Variants in CELF2 observed in about 807,000 individuals in gnomAD.
The protein encoded by CELF2 is CUG triplet repeat RNA-binding protein 2.
CELF2 carries 8 observed loss-of-function variants against 62.6 expected under a neutral mutation model. The ratio of observed to expected loss-of-function variants is 0.13; its 90% confidence interval spans 0.07 to 0.23. The LOEUF (loss-of-function observed/expected upper bound fraction) is 0.23, where lower values mean the gene tolerates loss of function less well. CELF2 is among the 10% of genes least tolerant of loss of function. The pLI is 1.00. For synonymous variants in CELF2, 258 were observed against 250.0 expected (o/e 1.03, Z -0.30); for missense variants, 333 against 671.0 (o/e 0.50, Z 5.56).
the CELF2 span, among the ~76,000 whole-genome samples, chr10:10,514,231 A>G: frequency 6.6e-6 from 1 of 152,240 alleles, no homozygotes; most frequent in Non-Finnish European, 1.5e-5. Flanking sequence ...TTGGAATATT[A>G]TAAGTATAGA....
At chr10:11,222,947 G>A (rs747915396) in intron 3 of CELF2, among the ~76,000 whole-genome samples, 7 of 152,118 alleles carry the variant, frequency 4.6e-5, no homozygotes, top group Non-Finnish European at 8.8e-5. Context: ...CCTTCCACAC[G>A]TACACCTGTG....
the CELF2 span, among the ~76,000 whole-genome samples, chr10:10,677,654 C>T: frequency 6.6e-6 from 1 of 152,210 alleles, no homozygotes; most frequent in South Asian, 2.1e-4. Flanking sequence ...CTTGAAACCG[C>T]ATGCGGTAGT....
the CELF2 span, among the ~76,000 whole-genome samples, chr10:10,736,375 TCTTTCTTTCTTTCTTTCTTTC>T: frequency 1.0e-5 from 1 of 97,878 alleles, no homozygotes; most frequent in Non-Finnish European, 2.1e-5. Flanking sequence ...TTTCTTTCTT[TCTTTCTTTCTTTCTTTCTTTC>T]TTTTTTTTTT....
chr10:10,672,325 G>A, the CELF2 span, among the ~76,000 whole-genome samples: 3 of 151,990 alleles, frequency 2.0e-5, no homozygotes, highest in South Asian at 6.2e-4. Context: ...CCAAATCCAA[G>A]GTTATCTAGA....
the CELF2 span, among the ~76,000 whole-genome samples, chr10:10,559,478 CA>C: frequency 6.6e-6 from 1 of 152,178 alleles, no homozygotes; most frequent in Non-Finnish European, 1.5e-5. Flanking sequence ...ACTAGCTGTT[CA>C]AAACACCACC....
intron 2 of CELF2, among the ~76,000 whole-genome samples, chr10:11,175,717 G>C (rs1024645988): frequency 6.6e-6 from 1 of 152,266 alleles, no homozygotes; most frequent in East Asian, 1.9e-4. Flanking sequence ...CCCTGGGACC[G>C]TTTTAATGTT....
At chr10:11,120,127 G>T (rs752949789) in intron 1 of CELF2, among the ~76,000 whole-genome samples, 1 of 152,102 alleles carries the variant, frequency 6.6e-6, no homozygotes, top group African/African-American at 2.4e-5. Flanking sequence ...TGAGCATGTC[G>T]TGTGTGTCAA....
the CELF2 span, among the ~76,000 whole-genome samples, chr10:10,547,781 C>A: frequency 2.0e-5 from 3 of 149,824 alleles, no homozygotes; most frequent in African/African-American, 7.4e-5. Context: ...CTTGATTCAT[C>A]AAATAGGTAA....
intron 1 of CELF2, among the ~76,000 whole-genome samples, chr10:10,804,538 A>G (rs1452596745): frequency 4.6e-5 from 7 of 152,250 alleles, no homozygotes; most frequent in African/African-American, 1.4e-4. Flanking sequence ...GATATTTCAA[A>G]GGTCAGAGAT....
At chr10:11,257,977 A>G (rs887729665) in intron 5 of CELF2, 105 bp downstream of exon 5, 2 of 1,272,432 alleles carry the variant, frequency 1.6e-6, no homozygotes, top group Admixed American at 2.1e-5. Flanking sequence ...GTCACCCTGT[A>G]ATACATCCCA....
At chr10:10,742,999 T>C in the CELF2 span, among the ~76,000 whole-genome samples, 4 of 152,242 alleles carry the variant, frequency 2.6e-5, no homozygotes, top group Non-Finnish European at 5.9e-5. Context: ...ATCTCATTGC[T>C]ACATTCATTT....
chr10:10,579,317 A>G, the CELF2 span, among the ~76,000 whole-genome samples: 1 of 152,178 alleles, frequency 6.6e-6, no homozygotes, highest in Non-Finnish European at 1.5e-5. Flanking sequence ...ACATGTATGT[A>G]TGAGCATCTT....
chr10:11,196,559 C>A lies in CELF2; in HGVS notation c.272-20866C>A, dbSNP rs546717689. 5.3e-5 allele frequency among the ~76,000 whole-genome samples: 8 copies of A among 152,072 alleles called. No individual in the cohort carries two copies. In the South Asian group the frequency reaches 1.2e-3, roughly 24 times the overall value. Reference sequence around the variant, plus strand: ...GTTCATGCCGGTGGTCCCAGCTACTCAGGAGGCTGAGGAGGGAGGACAGCA... The same window carrying A: ...GTTCATGCCGGTGGTCCCAGCTACTAAGGAGGCTGAGGAGGGAGGACAGCA... On this transcript the variant is annotated intron_variant, in intron 2 of 12. Coordinates refer to ENST00000633077, the MANE Select transcript of CELF2 (RefSeq NM_001326342.2).
intron 8 of CELF2, among the ~76,000 whole-genome samples, chr10:11,279,196 G>A (rs1031016524): frequency 1.3e-5 from 2 of 152,138 alleles, no homozygotes; most frequent in Admixed American, 6.5e-5. Flanking sequence ...TTGATGAACG[G>A]GAGGAAACTG....
the CELF2 span, among the ~76,000 whole-genome samples, chr10:10,662,921 A>C: frequency 3.9e-5 from 6 of 152,026 alleles, no homozygotes; most frequent in African/African-American, 1.5e-4. Context: ...CACTTGGCAC[A>C]AACAAAGCCC....
At chr10:11,086,165 G>A (rs1484112204) in intron 1 of CELF2, among the ~76,000 whole-genome samples, 1 of 152,126 alleles carries the variant, frequency 6.6e-6, no homozygotes, top group Non-Finnish European at 1.5e-5. Flanking sequence ...TCAATGAACA[G>A]GATTATTCAG....
the CELF2 span, among the ~76,000 whole-genome samples, chr10:10,606,766 T>C: frequency 6.6e-6 from 1 of 152,128 alleles, no homozygotes; most frequent in Non-Finnish European, 1.5e-5. Context: ...TAAAATTGGA[T>C]GGGCCAACTA....
At chr10:11,002,397 A>T (rs750920633), upstream of CELF2, among the ~76,000 whole-genome samples, 3 of 152,148 alleles carry the variant, frequency 2.0e-5, no homozygotes, top group Non-Finnish European at 4.4e-5. The surrounding 1 kb of genome is among the most constrained non-coding windows in gnomAD (Gnocchi z 4.4). Context: ...CTATCCCCTA[A>T]GGTTATTACT....
intron 1 of CELF2, among the ~76,000 whole-genome samples, chr10:10,877,982 G>A (rs2061215175): frequency 6.6e-6 from 1 of 152,124 alleles, no homozygotes. Context: ...CTTCCAAAAA[G>A]AAAATTCATA....
Sources: allele counts gnomAD v4.1 joint callset (sites outside exome capture counted in the v4.1 genomes callset), GRCh38; gene constraint gnomAD v4.1.1; non-coding constraint Gnocchi (gnomAD v3.1); transcripts MANE v1.5; gene names NCBI Gene and HGNC (gene_info 2026-07-23, HGNC 2026-07-21).